Variants in PTPRE observed in about 807,000 individuals in gnomAD.
PTPRE encodes receptor-type tyrosine-protein phosphatase epsilon.
Under a neutral mutation model 102.0 loss-of-function variants are expected in PTPRE, and 51 were observed. The observed-to-expected ratio is 0.50, with a 90% confidence interval of 0.40 to 0.63. PTPRE has a LOEUF of 0.63. Ranked by LOEUF, PTPRE falls within the 30% of genes least tolerant of loss-of-function variation. The pLI is 0.00. For missense variants in PTPRE, 752 were observed against 915.1 expected (o/e 0.82, Z 2.30); for synonymous variants, 345 against 348.2 (o/e 0.99, Z 0.10).
intron 1 of PTPRE, among the ~76,000 whole-genome samples, chr10:127,964,413 C>T (rs765836034): frequency 2.0e-5 from 3 of 152,118 alleles, no homozygotes; most frequent in South Asian, 2.1e-4. Context: ...TCAGGTGATC[C>T]GCCCACCTTG....
At chr10:128,045,066 C>T (rs1450212844) in intron 3 of PTPRE, among the ~76,000 whole-genome samples, 2 of 152,360 alleles carry the variant, frequency 1.3e-5, no homozygotes, top group African/African-American at 2.4e-5. Context: ...CTCCCCACAC[C>T]ACCCAGGGAT....
chr10:128,039,627 T>C (rs1393046916), intron 2 of PTPRE, among the ~76,000 whole-genome samples: 1 of 152,214 alleles, frequency 6.6e-6, no homozygotes, highest in Admixed American at 6.5e-5. Flanking sequence ...AGATGTCTTC[T>C]CTAATTACAA....
At chr10:128,005,346 C>T (rs1196826405) in intron 2 of PTPRE, among the ~76,000 whole-genome samples, 3 of 152,182 alleles carry the variant, frequency 2.0e-5, no homozygotes, top group Non-Finnish European at 4.4e-5. Context: ...GAGAGAAAGG[C>T]TCAGCTTGGT....
chr10:128,047,640 G>T (rs754432274), intron 4 of PTPRE, 124 bp from the exon 5 acceptor site: 1 of 1,614,176 alleles, frequency 6.2e-7, no homozygotes, highest in Admixed American at 1.7e-5. Flanking sequence ...GCCTTAGCGC[G>T]GCTCAGCCAT....
chr10:127,961,364 C>T (rs561636285), intron 1 of PTPRE, among the ~76,000 whole-genome samples: 2 of 152,086 alleles, frequency 1.3e-5, no homozygotes, highest in South Asian at 2.1e-4. Context: ...TGTTGTAAGG[C>T]ACCCAGCACA....
intron 2 of PTPRE, among the ~76,000 whole-genome samples, chr10:128,020,582 A>C (rs1564891119): frequency 6.6e-6 from 1 of 152,246 alleles, no homozygotes; most frequent in Non-Finnish European, 1.5e-5. Context: ...AAAGAAAAGA[A>C]AAACAGCTCG....
chr10:127,936,223 CT>C (rs1473231621), intron 1 of PTPRE: 1 of 152,196 alleles, frequency 6.6e-6, no homozygotes, highest in Non-Finnish European at 1.5e-5. Flanking sequence ...CTATCTTACA[CT>C]TTAAAAAGAC....
chr10:127,993,413 G>A (rs1027855027), intron 2 of PTPRE, among the ~76,000 whole-genome samples: 1 of 152,184 alleles, frequency 6.6e-6, no homozygotes, highest in African/African-American at 2.4e-5. Flanking sequence ...CAGAGGGACA[G>A]AAAACAGTTG....
At chr10:128,069,185 A>T (rs56042447) in intron 12 of PTPRE, 1 of 45,606 alleles carries the variant, frequency 2.2e-5, no homozygotes, top group Non-Finnish European at 5.1e-5. Flanking sequence ...CACCCCACCC[A>T]CCCTCCAGTG....
intron 1 of PTPRE, among the ~76,000 whole-genome samples, chr10:127,975,365 C>A (rs1278182558): frequency 6.6e-6 from 1 of 152,230 alleles, no homozygotes; most frequent in Non-Finnish European, 1.5e-5. Flanking sequence ...CATGCTATTT[C>A]CCTTATTCGT....
intron 1 of PTPRE, among the ~76,000 whole-genome samples, chr10:127,918,537 C>T (rs368869667): frequency 7.0e-5 from 10 of 143,184 alleles, no homozygotes; most frequent in South Asian, 6.6e-4. Flanking sequence ...CCAGCCTGGG[C>T]GACAGAGCGA....
At chr10:127,923,735 A>G (rs1846793677) in intron 1 of PTPRE, among the ~76,000 whole-genome samples, 1 of 152,216 alleles carries the variant, frequency 6.6e-6, no homozygotes, top group Admixed American at 6.5e-5. Context: ...GATATCATCC[A>G]GCCCAGTGTG....
At chr10:128,001,972 A>T (rs1171707448) in intron 2 of PTPRE, among the ~76,000 whole-genome samples, 2 of 152,134 alleles carry the variant, frequency 1.3e-5, no homozygotes, top group Non-Finnish European at 2.9e-5. Context: ...GGGAGATGGC[A>T]GTGTTGCCTC....
chr10:128,066,900 G>A (rs71474242), intron 11 of PTPRE, among the ~76,000 whole-genome samples: 18,295 of 149,496 alleles, frequency 0.12, 1,230 homozygotes, highest in East Asian at 0.24. Flanking sequence ...ACATGCACAC[G>A]CACACACATA....
intron 2 of PTPRE, among the ~76,000 whole-genome samples, chr10:128,022,860 C>T (rs1846015306): frequency 1.3e-5 from 2 of 152,356 alleles, no homozygotes; most frequent in African/African-American, 4.8e-5. Flanking sequence ...AAGAAACCGC[C>T]ATCGCTGCTC....
chr10:127,964,576 C>T (rs181367733), intron 1 of PTPRE, among the ~76,000 whole-genome samples: 1,919 of 140,260 alleles, frequency 0.014, 23 homozygotes, highest in Non-Finnish European at 0.022. Flanking sequence ...TTTTTTTTTT[C>T]GCCCTTGACT....
intron 1 of PTPRE, among the ~76,000 whole-genome samples, chr10:127,945,142 G>GCTTAGTGCAGTGCCCAGTACCTGCA: frequency 6.6e-6 from 1 of 152,200 alleles, no homozygotes; most frequent in South Asian, 2.1e-4. Context: ...CACATCCAGA[G>GCTTAGTGCAGTGCCCAGTACCTGCA]CTTAGTGCAG....
At position 128,066,121 on chromosome 10, in the gene PTPRE, G is replaced by A. The variant is rs1459320633; in HGVS notation, c.770G>A (p.Gly257Glu). Reference protein sequence around the residue: ...YWPDQGCWTYGNIRVCVEDCV... With the variant: ...YWPDQGCWTYENIRVCVEDCV... ...CCCGACCAAGGCTGCTGGACCTATG[G>A]AAACATCCGGGTGTGCGTGGAGGAC... The change falls in exon 11 of 21, where the codon GGA (glycine) becomes GAA (glutamate). Residue 257 changes from glycine (G) to glutamate (E), a missense_variant. Around this residue, in one of 2 missense-constraint regions of PTPRE, gnomAD observed 636 missense variants for 824.4 expected, o/e 0.77. Coordinates refer to ENST00000254667, the MANE Select transcript of PTPRE (RefSeq NM_006504.6). 1.9e-6 allele frequency: 3 copies of A among 1,614,086 alleles called. No individual in the cohort carries two copies. The highest frequency in any genetic ancestry group is 2.2e-5 in the South Asian group (2 of 91,088).
chr10:127,910,373 C>G (rs1005079861), intron 1 of PTPRE, among the ~76,000 whole-genome samples: 1 of 152,182 alleles, frequency 6.6e-6, no homozygotes, highest in Non-Finnish European at 1.5e-5. Context: ...TCCACAAAGC[C>G]TTCCTGGCTC....
Sources: gnomAD v4.1 joint callset for allele counts (sites outside exome capture counted in the v4.1 genomes callset) on GRCh38, gnomAD v4.1.1 for gene constraint, gnomAD v4.1.1 regional missense constraint, MANE v1.5 for transcripts, NCBI Gene and HGNC (gene_info 2026-07-23, HGNC 2026-07-21) for gene names.